Variants in SYCP1 observed in about 807,000 individuals in gnomAD.
The protein encoded by SYCP1 is cancer/testis antigen 8.
In SYCP1, 64 loss-of-function variants were observed where a neutral mutation model predicts 153.1. The ratio of observed to expected loss-of-function variants is 0.42; its 90% CI spans 0.34 to 0.51. The LOEUF (loss-of-function observed/expected upper bound fraction) is 0.51, where lower values mean the gene tolerates loss of function less well. Ranked by LOEUF, SYCP1 falls within the 20% of genes least tolerant of loss-of-function variation. The pLI, the probability that SYCP1 is intolerant of heterozygous loss-of-function variation, is 0.06. For synonymous variants in SYCP1, 384 were observed against 341.8 expected (o/e 1.12, Z -1.36); for missense variants, 997 against 1,049.0 (o/e 0.95, Z 0.68).
intron 27 of SYCP1, among the ~76,000 whole-genome samples, chr1:114,975,625 C>G (rs544463191): frequency 1.3e-5 from 2 of 151,788 alleles, no homozygotes; most frequent in South Asian, 2.1e-4. Context: ...TCCAAGTTCT[C>G]AGTCAATATG....
intron 27 of SYCP1, among the ~76,000 whole-genome samples, chr1:114,952,556 G>A (rs1208338273): frequency 6.6e-6 from 1 of 152,124 alleles, no homozygotes; most frequent in Non-Finnish European, 1.5e-5. Flanking sequence ...AAGCAAACAT[G>A]TCCTTCACAT....
intron 20 of SYCP1, among the ~76,000 whole-genome samples, chr1:114,923,204 A>G (rs890576324): frequency 9.9e-5 from 15 of 152,188 alleles, no homozygotes; most frequent in African/African-American, 3.1e-4. Context: ...TAGTGTTTCC[A>G]TGTTCATTAT....
chr1:114,947,811 CAAAAAAAAAA>C (rs1174716918), intron 27 of SYCP1, among the ~76,000 whole-genome samples: 6 of 43,876 alleles, frequency 1.4e-4, no homozygotes, highest in East Asian at 8.4e-4. Context: ...GACTCCGTCT[CAAAAAAAAAA>C]AAAAAAAAAA....
chr1:114,881,929 A>G (rs554993348), intron 12 of SYCP1, among the ~76,000 whole-genome samples: 2 of 152,332 alleles, frequency 1.3e-5, no homozygotes, highest in East Asian at 3.9e-4. Context: ...TTTGTTTAAT[A>G]GCTTCTTCAA....
chr1:114,954,892 C>T (rs1038437858), intron 27 of SYCP1, among the ~76,000 whole-genome samples: 1 of 152,116 alleles, frequency 6.6e-6, no homozygotes, highest in African/African-American at 2.4e-5. Context: ...ATTTCTTTTT[C>T]TTGACTTATT....
At chr1:114,944,720 G>GA (rs1476553893) in intron 24 of SYCP1, 152 bp from the exon 25 acceptor site, 3 of 660,916 alleles carry the variant, frequency 4.5e-6, no homozygotes, top group East Asian at 2.9e-5. Context: ...AAAACACCCC[G>GA]AAAAAACCCC....
At position 114,913,117 on chromosome 1, in the gene SYCP1, C is replaced by A; in HGVS notation, c.1614C>A (p.Thr538=). 5.6e-6 allele frequency: 9 copies of A among 1,611,498 alleles called. No individual in the cohort carries two copies. The highest frequency in any genetic ancestry group is 7.6e-6 in the Non-Finnish European group (9 of 1,178,608). Residue 538 remains threonine (T), a synonymous_variant, in exon 19 of 32, where the codon ACC becomes ACA. Coordinates refer to ENST00000369522, the MANE Select transcript of SYCP1 (RefSeq NM_003176.4). The part of the protein sequence containing the change: ...KELTQETSDM[T]LELKNQQEDI... ...TCACACAGGAAACAAGTGATATGAC[C>A]CTAGAACTCAAGAATCAGCAAGAAG...
At chr1:114,926,096 A>G (rs934534405) in intron 21 of SYCP1, among the ~76,000 whole-genome samples, 182 bp from the exon 22 acceptor site, 1 of 152,074 alleles carries the variant, frequency 6.6e-6, no homozygotes, top group Non-Finnish European at 1.5e-5. Context: ...CTATGATTGC[A>G]TTTGTATTTA....
intron 9 of SYCP1, among the ~76,000 whole-genome samples, chr1:114,875,709 T>C (rs1405408994): frequency 6.6e-6 from 1 of 152,206 alleles, no homozygotes; most frequent in Non-Finnish European, 1.5e-5. Flanking sequence ...AGTGTAACTT[T>C]GGATTCATGG....
chr1:114,967,063 T>C (rs954026723), intron 27 of SYCP1, among the ~76,000 whole-genome samples: 1 of 152,174 alleles, frequency 6.6e-6, no homozygotes, highest in Non-Finnish European at 1.5e-5. Flanking sequence ...TTTCCGTTCT[T>C]TTGCATTTGC....
At chr1:114,960,684 C>T (rs1671731600) in intron 27 of SYCP1, among the ~76,000 whole-genome samples, 1 of 152,134 alleles carries the variant, frequency 6.6e-6, no homozygotes, top group Non-Finnish European at 1.5e-5. Context: ...TTTTCATATA[C>T]CTGTTTGCCA....
At chr1:114,927,461 T>G (rs1444989176) in intron 23 of SYCP1, among the ~76,000 whole-genome samples, 1 of 152,150 alleles carries the variant, frequency 6.6e-6, no homozygotes, top group East Asian at 1.9e-4. Flanking sequence ...GCAGCTATTA[T>G]AAACATCTTC....
chr1:114,964,014 T>G (rs1671945887), intron 27 of SYCP1, among the ~76,000 whole-genome samples: 1 of 152,242 alleles, frequency 6.6e-6, no homozygotes, highest in Admixed American at 6.5e-5. Flanking sequence ...TTCCTATTTC[T>G]CCACATCCTC....
intron 20 of SYCP1, among the ~76,000 whole-genome samples, chr1:114,915,348 C>T (rs1237515984): frequency 6.6e-6 from 1 of 152,168 alleles, no homozygotes; most frequent in Non-Finnish European, 1.5e-5. Flanking sequence ...TTCTTCTGTA[C>T]TGATAAGATA....
intron 15 of SYCP1, among the ~76,000 whole-genome samples, chr1:114,892,367 G>A (rs754359142): frequency 7.2e-5 from 11 of 152,084 alleles, no homozygotes; most frequent in Non-Finnish European, 1.5e-4. Flanking sequence ...GGGAGTGTGC[G>A]ATTGTTGTAG....
intron 23 of SYCP1, among the ~76,000 whole-genome samples, chr1:114,933,473 TA>T (rs1201302126): frequency 6.6e-6 from 1 of 152,138 alleles, no homozygotes; most frequent in Non-Finnish European, 1.5e-5. Flanking sequence ...CTGAAAATTG[TA>T]AAAATCAGAG....
At chr1:114,923,892 A>G (rs539876455) in intron 21 of SYCP1, among the ~76,000 whole-genome samples, 1 of 152,294 alleles carries the variant, frequency 6.6e-6, no homozygotes, top group South Asian at 2.1e-4. Flanking sequence ...AAATTAAGAT[A>G]ATAAGGTGTT....
At chr1:114,986,577 C>T (rs1425778117) in intron 30 of SYCP1, among the ~76,000 whole-genome samples, 3 of 151,962 alleles carry the variant, frequency 2.0e-5, no homozygotes, top group African/African-American at 7.2e-5. Context: ...ACACATTTCA[C>T]AATCAGTTTC....
At chr1:114,923,943 T>C (rs1157150357) in intron 21 of SYCP1, among the ~76,000 whole-genome samples, 1 of 152,146 alleles carries the variant, frequency 6.6e-6, no homozygotes, top group East Asian at 1.9e-4. Context: ...ACAAGATATG[T>C]GACATGATTA....
Sources: allele counts gnomAD v4.1 joint callset (sites outside exome capture counted in the v4.1 genomes callset), GRCh38; gene constraint gnomAD v4.1.1; transcripts MANE v1.5; gene names NCBI Gene and HGNC (gene_info 2026-07-23, HGNC 2026-07-21).